Variants in CD247 observed in about 807,000 individuals in gnomAD.
CD247 encodes CD247 molecule, also known as T-cell surface glycoprotein CD3 zeta chain.
In CD247, 13 loss-of-function variants were observed where a neutral mutation model predicts 30.0. The observed-to-expected ratio is 0.43, with a 90% CI of 0.28 to 0.69. CD247 has a LOEUF of 0.69. Among genes scored for constraint, CD247 ranks in the 30% least tolerant of loss-of-function variants. The pLI, the probability that CD247 is intolerant of heterozygous loss-of-function variation, is 0.16. For synonymous variants in CD247, 72 were observed against 80.0 expected (o/e 0.90, Z 0.53); for missense variants, 193 against 212.6 (o/e 0.91, Z 0.57).
chr1:167,500,937 C>T (rs1456361195), intron 1 of CD247, among the ~76,000 whole-genome samples: 1 of 151,992 alleles, frequency 6.6e-6, no homozygotes, highest in Non-Finnish European at 1.5e-5. Flanking sequence ...GGGATGGGAA[C>T]AGGCAGAGGT....
chr1:167,514,039 A>C (rs1380233847), intron 1 of CD247, among the ~76,000 whole-genome samples: 1 of 152,258 alleles, frequency 6.6e-6, no homozygotes, highest in Non-Finnish European at 1.5e-5. Flanking sequence ...CAATATACCC[A>C]CCAAATAAAC....
chr1:167,499,731 C>T (rs1472266533), intron 1 of CD247, among the ~76,000 whole-genome samples: 1 of 152,156 alleles, frequency 6.6e-6, no homozygotes. Context: ...GCACAGCCTG[C>T]CCACATGTAA....
rs921514499 is a variant in CD247 at position 167,430,956 on chromosome 1, GT to G, written c.*724del. 6.3e-5 allele frequency: 25 copies of G among 399,760 alleles called. No individual in the cohort carries two copies. The highest frequency in any genetic ancestry group is 9.7e-5 in the Non-Finnish European group (22 of 227,048). 24.8% of individuals were successfully genotyped at this position (399,760 alleles called of 1,614,324 possible). A position where few individuals can be genotyped will look rare whatever the true frequency, so the allele number is the denominator to read the frequency against. The stretch of plus-strand genomic sequence containing the variant: ...CTTTATTCACACTGTGTAACCACAT[GT>G]TTTTTATGCCACTTTGTGCACAGCT... On this transcript the variant is annotated 3_prime_UTR_variant, in exon 8 of 8. Transcript: ENST00000362089.
At chr1:167,512,479 T>C (rs1177536931) in intron 1 of CD247, among the ~76,000 whole-genome samples, 1 of 152,178 alleles carries the variant, frequency 6.6e-6, no homozygotes, top group Non-Finnish European at 1.5e-5. Context: ...ACTCATTTTG[T>C]AGCTAAAAGG....
intron 1 of CD247, among the ~76,000 whole-genome samples, chr1:167,504,822 C>T (rs1158493690): frequency 3.3e-5 from 5 of 152,198 alleles, no homozygotes; most frequent in Admixed American, 1.3e-4. Context: ...TAAAACCTAG[C>T]GATCAATCTT....
intron 1 of CD247, among the ~76,000 whole-genome samples, chr1:167,461,149 T>C (rs1285528008): frequency 6.6e-6 from 1 of 152,222 alleles, no homozygotes; most frequent in Non-Finnish European, 1.5e-5. Flanking sequence ...CCGCCTCCCA[T>C]GGCAGCTTTC....
At chr1:167,451,338 C>G (rs757159584) in intron 1 of CD247, among the ~76,000 whole-genome samples, 1 of 152,168 alleles carries the variant, frequency 6.6e-6, no homozygotes, top group South Asian at 2.1e-4. Flanking sequence ...TTAAAGCCAA[C>G]TGGAACAAGG....
chr1:167,507,873 T>C (rs1655211644), intron 1 of CD247, among the ~76,000 whole-genome samples: 1 of 151,936 alleles, frequency 6.6e-6, no homozygotes, highest in Non-Finnish European at 1.5e-5. Context: ...ATTCTCTCTA[T>C]CTCTTGGCAT....
intron 4 of CD247, among the ~76,000 whole-genome samples, chr1:167,437,403 C>G (rs1262771882): frequency 2.3e-5 from 1 of 43,092 alleles, no homozygotes; most frequent in African/African-American, 6.7e-5. Flanking sequence ...TAAACGCTGT[C>G]TCAAAAAAAA....
intron 1 of CD247, among the ~76,000 whole-genome samples, chr1:167,475,196 T>C (rs773784408): frequency 1.3e-5 from 2 of 152,154 alleles, no homozygotes; most frequent in African/African-American, 2.4e-5. Context: ...CCATTTTTAT[T>C]ATAAAATTAT....
chr1:167,453,359 C>T (rs1399948028), intron 1 of CD247, among the ~76,000 whole-genome samples: 1 of 152,148 alleles, frequency 6.6e-6, no homozygotes, highest in Non-Finnish European at 1.5e-5. Context: ...GACGAGAAGC[C>T]AGGTCTTGCC....
At chr1:167,512,791 G>T (rs912847651) in intron 1 of CD247, among the ~76,000 whole-genome samples, 3 of 152,202 alleles carry the variant, frequency 2.0e-5, no homozygotes, top group African/African-American at 7.2e-5. Flanking sequence ...CACAGAGGAA[G>T]AACAGGGCTC....
At chr1:167,505,631 C>T (rs1442706907) in intron 1 of CD247, among the ~76,000 whole-genome samples, 1 of 152,240 alleles carries the variant, frequency 6.6e-6, no homozygotes, top group African/African-American at 2.4e-5. Flanking sequence ...GGGCCTATGG[C>T]ACAACAGGGC....
chr1:167,494,138 C>G lies in CD247; in HGVS notation c.58+24270G>C, dbSNP rs1654578906. Among the ~76,000 whole-genome samples, 1 of 151,824 alleles carries G rather than the reference C, an allele frequency of 6.6e-6. No homozygotes were observed. Among genetic ancestry groups the G allele is most frequent in the South Asian group, 2.1e-4 (1 of 4,796 alleles). On this transcript the variant is annotated intron_variant, in intron 1 of 7. Transcript: ENST00000362089. The surrounding 1 kb of genome is among the most constrained non-coding windows in gnomAD (Gnocchi z 7.3). Reference sequence around the variant, plus strand: ...TAGGAGAAGAGGACAAGCAGGGGGACAGAACTGAGTCAGGAGACACTTTAG... The same window carrying G: ...TAGGAGAAGAGGACAAGCAGGGGGAGAGAACTGAGTCAGGAGACACTTTAG...
intron 1 of CD247, among the ~76,000 whole-genome samples, chr1:167,517,020 C>T (rs34383879): frequency 6.6e-6 from 1 of 152,204 alleles, no homozygotes. Context: ...GAGGCTGGAG[C>T]TATTGCCCCT....
At chr1:167,460,180 T>C (rs376773296) in intron 1 of CD247, among the ~76,000 whole-genome samples, 66 of 152,256 alleles carry the variant, frequency 4.3e-4, no homozygotes, top group African/African-American at 1.6e-3. Flanking sequence ...GGTGGGAGGA[T>C]GGCTTGAGCC....
intron 1 of CD247, among the ~76,000 whole-genome samples, chr1:167,465,873 C>A (rs2102038566): frequency 6.6e-6 from 1 of 152,308 alleles, no homozygotes; most frequent in East Asian, 1.9e-4. Flanking sequence ...TTTGAGCAGT[C>A]AGCTGGGTGA....
intron 6 of CD247, among the ~76,000 whole-genome samples, chr1:167,433,509 T>C (rs1651375674): frequency 6.6e-6 from 1 of 152,218 alleles, no homozygotes; most frequent in African/African-American, 2.4e-5. Context: ...TCACTCAACC[T>C]CCTTGTGCCT....
At chr1:167,485,724 T>C (rs1654177418) in intron 1 of CD247, among the ~76,000 whole-genome samples, 1 of 152,092 alleles carries the variant, frequency 6.6e-6, no homozygotes, top group African/African-American at 2.4e-5. Context: ...AGCTCAGGAA[T>C]CCCTCCTTTC....
Sources: gnomAD v4.1 joint callset for allele counts (sites outside exome capture counted in the v4.1 genomes callset) on GRCh38, gnomAD v4.1.1 for gene constraint, Gnocchi (gnomAD v3.1) non-coding constraint, MANE v1.5 for transcripts, NCBI Gene and HGNC (gene_info 2026-07-23, HGNC 2026-07-21) for gene names.